The following FBLN2 variants were observed in gnomAD, a reference collection of about 807,000 sequenced individuals.
FBLN2 encodes fibulin-2.
FBLN2 carries 81 observed loss-of-function variants against 123.7 expected under a neutral mutation model. The ratio of observed to expected loss-of-function variants is 0.65; its 90% CI spans 0.55 to 0.79. FBLN2 has a LOEUF of 0.79. FBLN2 is among the 30% of genes least tolerant of loss of function. The pLI is 0.00. For missense variants in FBLN2, 1,603 were observed against 1,681.3 expected, an observed-to-expected ratio of 0.95 and a Z score of 0.81; for synonymous variants, 699 against 701.4, an observed-to-expected ratio of 1.00 and a Z score of 0.05.
intron 9 of FBLN2, among the ~76,000 whole-genome samples, chr3:13,623,948 A>G (rs1705939600): frequency 6.6e-6 from 1 of 152,258 alleles, no homozygotes; most frequent in African/African-American, 2.4e-5. Flanking sequence ...TATGTAAATC[A>G]AAGTGGGACA....
intron 1 of FBLN2, among the ~76,000 whole-genome samples, chr3:13,553,835 G>T (rs922011620): frequency 3.3e-5 from 5 of 152,250 alleles, no homozygotes; most frequent in Admixed American, 2.6e-4. Context: ...GCACCCATGT[G>T]CTCAGGCAGA....
chr3:13,626,536 C>T lies in FBLN2; in HGVS notation c.2388C>T (p.Leu796=). ...GCTCCTTCCACTGCTACAAGGCACT[C>T]ACCTGTGAGCCAGGCTATGCCCTCA... ...TLGSFHCYKA[L]TCEPGYALKD... is the part of the protein sequence containing the mutation. The change falls in exon 10 of 18, where the codon CTC becomes CTT. Residue 796 remains leucine, a synonymous_variant. Coordinates refer to ENST00000404922, the MANE Select transcript of FBLN2 (RefSeq NM_001004019.2). The T allele has an allele frequency of 1.3e-6, 2 of 1,555,340 alleles. No individual in the cohort carries two copies. The highest frequency in any genetic ancestry group is 1.7e-6 in the Non-Finnish European group (2 of 1,149,246).
chr3:13,613,780 A>G (rs1705481382), intron 4 of FBLN2: 2 of 504,038 alleles, frequency 4.0e-6, no homozygotes, highest in South Asian at 4.0e-5. Flanking sequence ...TTTACTTGTT[A>G]TCTGTTTCAA....
chr3:13,572,745 G>T (rs1000571384), intron 2 of FBLN2, among the ~76,000 whole-genome samples: 14 of 152,254 alleles, frequency 9.2e-5, no homozygotes, highest in African/African-American at 3.4e-4. Context: ...GGTCCGCTGA[G>T]CCTACCTAAG....
At position 13,626,569 on chromosome 3, in the gene FBLN2, C is replaced by T. The variant is rs1187788383; in HGVS notation, c.2421C>T (p.Gly807=). The stretch of plus-strand genomic sequence containing the variant: ...AGCCAGGCTATGCCCTCAAGGATGG[C>T]GAGTGCGAAGGTGAGAAGGGCCCAG... ...TCEPGYALKD[G]ECEDVDECAM... Residue 807 remains glycine, a synonymous_variant, in exon 10 of 18, where the codon GGC becomes GGT. Transcript: ENST00000404922. 9.7e-6 allele frequency: 15 copies of T among 1,548,006 alleles called. No homozygotes were observed. The highest frequency in any genetic ancestry group is 1.2e-5 in the Non-Finnish European group (14 of 1,144,722).
intron 1 of FBLN2, among the ~76,000 whole-genome samples, chr3:13,560,485 C>T (rs1703573638): frequency 6.6e-6 from 1 of 152,134 alleles, no homozygotes; most frequent in Admixed American, 6.5e-5. Flanking sequence ...TGGGGTCTCA[C>T]ACCACCCACC....
intron 4 of FBLN2, among the ~76,000 whole-genome samples, chr3:13,611,063 C>T (rs1239875501): frequency 1.3e-5 from 2 of 152,064 alleles, no homozygotes; most frequent in East Asian, 1.9e-4. Context: ...CCTGCCACTA[C>T]GCCCAGCTAA....
In FBLN2 at chr3:13,636,519, C is replaced by T. The variant is rs779395817; in HGVS notation, c.3289C>T (p.Arg1097Cys). The change falls in exon 17 of 18, where the codon CGC becomes TGC. Residue 1097 changes from arginine (R) to cysteine (C), a missense_variant. By Grantham distance (180) the Arg-to-Cys change is radical. Coordinates refer to ENST00000404922, the MANE Select transcript of FBLN2 (RefSeq NM_001004019.2). ...CTGCCACAACATCCAGGGTAGCTTC[C>T]GCTGCCTGCGCTTCGAGTGTCCTCC... is the stretch of plus-strand genomic sequence containing the variant. ...ETCHNIQGSF[R>C]CLRFECPPNY... The T allele has an allele frequency of 7.4e-6, 12 of 1,613,624 alleles. No homozygotes were observed. The highest frequency in any genetic ancestry group is 3.3e-5 in the Admixed American group (2 of 59,980).
In FBLN2 at chr3:13,577,536, A is replaced by G. The variant is rs112843234; in HGVS notation, c.1306+5875A>G. Among the ~76,000 whole-genome samples, 141 of 152,306 alleles carry G rather than the reference A, an allele frequency of 9.3e-4. 1 individual carries two copies. Among genetic ancestry groups the G allele is most frequent in the African/African-American group, 3.3e-3 (138 of 41,562 alleles). ...GGTGAGAGCTACAGCAGGGTGTTGA[A>G]CAAAGGGGTGACACTGGCCAACTTA... On this transcript the variant is annotated intron_variant, in intron 2 of 17. Coordinates refer to ENST00000404922, the MANE Select transcript of FBLN2 (RefSeq NM_001004019.2).
chr3:13,632,851 A>T lies in FBLN2; in HGVS notation c.3214+1394A>T, dbSNP rs541729070. The stretch of plus-strand genomic sequence containing the variant: ...GCCCTCTTCTTGTTAATTAAAAAAA[A>T]AAAGTCGGTATGGACTCCGTAAAAG... On this transcript the variant is annotated intron_variant, in intron 16 of 17. Coordinates refer to ENST00000404922, the MANE Select transcript of FBLN2 (RefSeq NM_001004019.2). Among the ~76,000 whole-genome samples the T allele has an allele frequency of 2.0e-5, 3 of 152,298 alleles. No individual in the cohort carries two copies. In the South Asian group the frequency reaches 6.2e-4, roughly 32 times the overall value.
At chr3:13,627,464 C>T (rs975722448) in intron 10 of FBLN2, among the ~76,000 whole-genome samples, 2 of 152,170 alleles carry the variant, frequency 1.3e-5, no homozygotes, top group African/African-American at 4.8e-5. Flanking sequence ...GCCAGTCCCC[C>T]GGGTTCTGGT....
intron 17 of FBLN2, 143 bp from the exon 18 acceptor site, chr3:13,637,419 G>C: frequency 1.4e-6 from 1 of 693,864 alleles, no homozygotes; most frequent in Non-Finnish European, 2.4e-6. Flanking sequence ...CCCAGGGGAC[G>C]TAAGGGGACT....
At chr3:13,576,641 G>A (rs576255109) in intron 2 of FBLN2, among the ~76,000 whole-genome samples, 119 of 152,290 alleles carry the variant, frequency 7.8e-4, no homozygotes, top group African/African-American at 2.8e-3. Context: ...GGAACAGAGG[G>A]GAGAGAGGTC....
chr3:13,573,894 C>CAAAAA (rs34768387), intron 2 of FBLN2, among the ~76,000 whole-genome samples: 8 of 72,912 alleles, frequency 1.1e-4, no homozygotes, highest in South Asian at 4.8e-4. Flanking sequence ...GAGTGAAACT[C>CAAAAA]AAAAAAAAAA....
intron 8 of FBLN2, 150 bp downstream of exon 8, chr3:13,619,981 T>C: frequency 1.7e-6 from 1 of 599,214 alleles, no homozygotes; most frequent in South Asian, 2.1e-5. Flanking sequence ...GTGGAGCAGG[T>C]TAAACAGTCA....
chr3:13,579,746 T>C (rs1355101413), intron 2 of FBLN2, among the ~76,000 whole-genome samples: 2 of 152,236 alleles, frequency 1.3e-5, no homozygotes, highest in Non-Finnish European at 2.9e-5. Flanking sequence ...AAAGCGATGC[T>C]GCTGTGAGCA....
Position 13,559,827 on chromosome 3 carries a change from G to T in FBLN2, c.-41-10488G>T, listed in dbSNP as rs562489453. On this transcript the variant is annotated intron_variant, in intron 1 of 17. Transcript: ENST00000404922. ...GATGAGAGGTGATGAGCAGTCCCTG[G>T]AGGCAGGATCTCGGTCCAGGAGCAG... 2.8e-4 allele frequency among the ~76,000 whole-genome samples: 43 copies of T among 152,324 alleles called. No homozygotes were observed. The South Asian group carries it at 3.5e-3, about 12-fold the overall frequency.
intron 1 of FBLN2, among the ~76,000 whole-genome samples, chr3:13,568,285 G>A (rs1574947919): frequency 6.6e-6 from 1 of 152,244 alleles, no homozygotes; most frequent in South Asian, 2.1e-4. Context: ...CCTTCCAGGC[G>A]CTCCTGGACT....
chr3:13,617,143 A>AATCC lies in FBLN2; in HGVS notation c.1730-901_1730-898dup, dbSNP rs779072153. On this transcript the variant is annotated intron_variant, in intron 5 of 17. Transcript: ENST00000404922. ...TCATTCATTTGCCCATCCATTCATC[A>AATCC]ATCCATCCATCCATCCATCCATCCA... Among the ~76,000 whole-genome samples the AATCC allele has an allele frequency of 8.8e-3, 1,184 of 134,616 alleles. 19 individuals are homozygous for AATCC. Among genetic ancestry groups the AATCC allele is most frequent in the East Asian group, 0.032 (162 of 5,042 alleles). 88.3% of individuals were successfully genotyped at this position (134,616 alleles called of 152,430 possible).
Sources: gnomAD v4.1 joint callset for allele counts (sites outside exome capture counted in the v4.1 genomes callset) on GRCh38, gnomAD v4.1.1 for gene constraint, MANE v1.5 for transcripts, NCBI Gene and HGNC (gene_info 2026-07-23, HGNC 2026-07-21) for gene names.